Variants in ESRRG observed in about 807,000 individuals in gnomAD.
ESRRG encodes estrogen-related receptor gamma.
Under a neutral mutation model 44.0 loss-of-function variants are expected in ESRRG, and 13 were observed. The ratio of observed to expected loss-of-function variants is 0.30; its 90% confidence interval spans 0.19 to 0.47. The LOEUF (loss-of-function observed/expected upper bound fraction) is 0.47, where lower values mean the gene tolerates loss of function less well. Among genes scored for constraint, ESRRG ranks in the 20% least tolerant of loss-of-function variants. ESRRG has a pLI of 1.00. For missense variants in ESRRG, 395 were observed against 580.6 expected (o/e 0.68, Z 3.29); for synonymous variants, 215 against 214.6 (o/e 1.00, Z -0.02).
At chr1:216,847,951 G>T (rs1363011143) in intron 2 of ESRRG, among the ~76,000 whole-genome samples, 1 of 152,118 alleles carries the variant, frequency 6.6e-6, no homozygotes, top group Non-Finnish European at 1.5e-5. Context: ...GCTGTTCCAA[G>T]ATGTTGGTAT....
At chr1:216,969,072 T>C (rs1432169257) in intron 1 of ESRRG, among the ~76,000 whole-genome samples, 1 of 152,234 alleles carries the variant, frequency 6.6e-6, no homozygotes, top group Non-Finnish European at 1.5e-5. Context: ...ATTCTTACTT[T>C]GGGAAATCTT....
At chr1:216,637,981 CT>C (rs1205327271) in intron 3 of ESRRG, among the ~76,000 whole-genome samples, 11 of 151,708 alleles carry the variant, frequency 7.3e-5, no homozygotes, top group Admixed American at 2.6e-4. Context: ...AAAAATGCAA[CT>C]GAAAAGTATA....
chr1:216,747,139 T>C (rs1277063095), intron 2 of ESRRG, among the ~76,000 whole-genome samples: 3 of 152,198 alleles, frequency 2.0e-5, no homozygotes, highest in Non-Finnish European at 2.9e-5. Flanking sequence ...TGATTTTACC[T>C]ATTTGTGAGA....
chr1:216,962,774 T>G (rs1230092857), intron 1 of ESRRG, among the ~76,000 whole-genome samples: 1 of 152,190 alleles, frequency 6.6e-6, no homozygotes, highest in East Asian at 1.9e-4. Context: ...ACATAACCAA[T>G]ATATTATGCA....
chr1:217,004,532 C>T (rs2077474307), intron 1 of ESRRG, among the ~76,000 whole-genome samples: 1 of 150,846 alleles, frequency 6.6e-6, no homozygotes, highest in Non-Finnish European at 1.5e-5. Context: ...AATCTCTTTC[C>T]CTTATAAATT....
At chr1:216,939,190 G>T (rs892379876) in intron 2 of ESRRG, among the ~76,000 whole-genome samples, 1 of 151,766 alleles carries the variant, frequency 6.6e-6, no homozygotes, top group Non-Finnish European at 1.5e-5. Context: ...CGAAAGACAA[G>T]AATTAAGAAA....
At chr1:216,607,045 T>C (rs2060027759) in intron 3 of ESRRG, among the ~76,000 whole-genome samples, 1 of 152,220 alleles carries the variant, frequency 6.6e-6, no homozygotes, top group African/African-American at 2.4e-5. Flanking sequence ...CCTCTTGTTA[T>C]ATAATAGCAA....
chr1:217,075,298 A>G (rs2091131072), intron 1 of ESRRG, among the ~76,000 whole-genome samples: 1 of 152,208 alleles, frequency 6.6e-6, no homozygotes, highest in Admixed American at 6.5e-5. Context: ...CTTTCAGCCA[A>G]CATTGGTATA....
At chr1:216,541,561 AGTGTGTGTGTGTGTGTGTGTGTGTGT>A (rs34245595) in intron 5 of ESRRG, among the ~76,000 whole-genome samples, 1 of 130,312 alleles carries the variant, frequency 7.7e-6, no homozygotes. Context: ...TCTTTTGGTT[AGTGTGTGTGTGTGTGTGTGTGTGTGT>A]GTGTGTGTGT....
At chr1:216,644,879 T>C (rs2067218692) in intron 3 of ESRRG, among the ~76,000 whole-genome samples, 1 of 152,216 alleles carries the variant, frequency 6.6e-6, no homozygotes, top group South Asian at 2.1e-4. Flanking sequence ...TTTAAAATTA[T>C]ATAAGCCTGC....
At chr1:216,918,494 AG>A (rs1258511541) in intron 2 of ESRRG, among the ~76,000 whole-genome samples, 1 of 152,184 alleles carries the variant, frequency 6.6e-6, no homozygotes. Context: ...AGATAGTGCA[AG>A]CTTCTCTACA....
rs1199644081 is a variant in ESRRG at position 216,811,881 on chromosome 1, A to G, written c.-14+127701T>C. Reference sequence around the variant, plus strand: ...ATTCAAATATGTTCAAAAGCAATCTAAAGTCTTATAAAATGGTGTTTAAGC... The same window carrying G: ...ATTCAAATATGTTCAAAAGCAATCTGAAGTCTTATAAAATGGTGTTTAAGC... On this transcript the variant is annotated intron_variant, in intron 2 of 7. Coordinates refer to the ESRRG transcript ENST00000359162. 4.6e-5 allele frequency among the ~76,000 whole-genome samples: 7 copies of G among 152,210 alleles called. No individual in the cohort carries two copies. In the East Asian group the frequency reaches 7.7e-4, roughly 17 times the overall value.
intron 2 of ESRRG, among the ~76,000 whole-genome samples, chr1:216,926,158 T>C (rs1308796982): frequency 6.6e-6 from 1 of 152,156 alleles, no homozygotes; most frequent in African/African-American, 2.4e-5. Context: ...CTCGGGCACT[T>C]ATTAGAACAC....
intron 3 of ESRRG, among the ~76,000 whole-genome samples, chr1:216,649,917 T>C (rs1190418608): frequency 6.6e-6 from 1 of 152,154 alleles, no homozygotes; most frequent in Non-Finnish European, 1.5e-5. Context: ...GGTGAATTAA[T>C]ATGTGAGCCT....
At chr1:216,752,382 G>A (rs757097724) in intron 2 of ESRRG, among the ~76,000 whole-genome samples, 1 of 152,016 alleles carries the variant, frequency 6.6e-6, no homozygotes, top group Non-Finnish European at 1.5e-5. Flanking sequence ...TGAAGAGGTA[G>A]GCACTCTGCA....
chr1:216,677,260 A>T lies in ESRRG; in HGVS notation c.288T>A (p.Pro96=). 6.8e-6 allele frequency: 11 copies of T among 1,614,132 alleles called. No homozygotes were observed. Among genetic ancestry groups the T allele is most frequent in the Non-Finnish European group, 9.3e-6 (11 of 1,180,022 alleles). The change falls in exon 2 of 7, where the codon CCT becomes CCA. Residue 96 remains proline (P), a synonymous_variant. Transcript: ENST00000408911. ...AGCAGTCATCATACAGTTTCCTGAC[A>T]GGCCCACTACCTCCCAGGATAGGAG... ...PSAPILGGSG[P]VRKLYDDCSS...
intron 2 of ESRRG, among the ~76,000 whole-genome samples, chr1:216,828,696 T>C (rs1004396854): frequency 6.6e-6 from 1 of 152,126 alleles, no homozygotes; most frequent in Non-Finnish European, 1.5e-5. Context: ...TGTCATAAAA[T>C]GTTAGGTTTT....
At chr1:216,829,952 C>T (rs1349648681) in intron 2 of ESRRG, among the ~76,000 whole-genome samples, 1 of 152,094 alleles carries the variant, frequency 6.6e-6, no homozygotes, top group Non-Finnish European at 1.5e-5. Context: ...GCCAACTTGA[C>T]AATGCACAAA....
In ESRRG at chr1:216,835,499, G is replaced by T. The variant is rs114725329; in HGVS notation, c.-14+104083C>A. On this transcript the variant is annotated intron_variant, in intron 2 of 7. Coordinates refer to the ESRRG transcript ENST00000359162. ...GTTACAGGCGCACACTCCCAAGTTAGGTTCTCAGTCTCATCTACTTATAAA... is the reference window on the plus strand; with the variant it reads ...GTTACAGGCGCACACTCCCAAGTTATGTTCTCAGTCTCATCTACTTATAAA... 2.6e-3 allele frequency among the ~76,000 whole-genome samples: 391 copies of T among 152,266 alleles called. 4 individuals are homozygous for T. The highest frequency in any genetic ancestry group is 9.0e-3 in the African/African-American group (373 of 41,542).
Sources: allele counts gnomAD v4.1 joint callset (sites outside exome capture counted in the v4.1 genomes callset), GRCh38; gene constraint gnomAD v4.1.1; transcripts MANE v1.5; gene names NCBI Gene and HGNC (gene_info 2026-07-23, HGNC 2026-07-21).